Variants in TCF12 observed in about 807,000 individuals in gnomAD.
TCF12 encodes the protein transcription factor 12, also known as DNA-binding protein HTF4.
TCF12 carries 45 observed loss-of-function variants against 86.0 expected under a neutral mutation model. The observed-to-expected ratio is 0.52, with a 90% CI of 0.41 to 0.67. TCF12 has a LOEUF of 0.67. Among genes scored for constraint, TCF12 ranks in the 30% least tolerant of loss-of-function variants. The pLI, the probability that TCF12 is intolerant of heterozygous loss-of-function variation, is 0.00. For synonymous variants in TCF12, 330 were observed against 299.6 expected, an observed-to-expected ratio of 1.10 and a Z score of -1.05; for missense variants, 881 against 859.9, an observed-to-expected ratio of 1.02 and a Z score of -0.31.
chr15:57,231,085 A>T, intron 8 of TCF12, 67 bp from the exon 9 acceptor site: 1 of 1,231,852 alleles, frequency 8.1e-7, no homozygotes, highest in Non-Finnish European at 1.2e-6. Context: ...CAGAATATAG[A>T]ACTCATTTTA....
intron 8 of TCF12, among the ~76,000 whole-genome samples, chr15:57,222,001 G>A (rs923832094): frequency 6.6e-6 from 1 of 151,936 alleles, no homozygotes; most frequent in Non-Finnish European, 1.5e-5. Flanking sequence ...CTTCACTTAA[G>A]TTATAGAAGT....
Position 57,058,876 on chromosome 15 carries a change from A to C in TCF12, c.149-4874A>C, listed in dbSNP as rs116630953. 3.1e-4 allele frequency among the ~76,000 whole-genome samples: 47 copies of C among 152,296 alleles called. 1 individual carries two copies. In the East Asian group the frequency reaches 7.5e-3, roughly 24 times the overall value. ...GTCTAAAATGTGAAAAATACAATAA[A>C]AAATCTTGGTGTTGGTTTTTTAGGT... On this transcript the variant is annotated intron_variant, in intron 3 of 20. Transcript: ENST00000333725.
chr15:56,923,789 G>A (rs1301115337), intron 3 of TCF12, among the ~76,000 whole-genome samples: 1 of 151,930 alleles, frequency 6.6e-6, no homozygotes, highest in Non-Finnish European at 1.5e-5. Context: ...AGTAAGGGAT[G>A]TTGTCATTTT....
intron 3 of TCF12, among the ~76,000 whole-genome samples, chr15:57,038,809 C>G (rs1250546273): frequency 5.3e-5 from 8 of 152,094 alleles, no homozygotes; most frequent in Non-Finnish European, 1.2e-4. Flanking sequence ...GTCCTTGTTC[C>G]AAGTATATTG....
intron 3 of TCF12, among the ~76,000 whole-genome samples, chr15:56,974,789 T>C (rs2062517412): frequency 6.6e-6 from 1 of 151,434 alleles, no homozygotes; most frequent in Non-Finnish European, 1.5e-5. Context: ...TAATTTCGTA[T>C]TTTTTTTTCT....
At chr15:57,031,360 G>T (rs1258536431) in intron 3 of TCF12, among the ~76,000 whole-genome samples, 2 of 132,330 alleles carry the variant, frequency 1.5e-5, no homozygotes, top group East Asian at 2.5e-4. Flanking sequence ...TTGGCTAAAA[G>T]GATTGTTTAG....
intron 3 of TCF12, among the ~76,000 whole-genome samples, chr15:56,930,110 A>G (rs1204627113): frequency 6.6e-6 from 1 of 152,044 alleles, no homozygotes; most frequent in African/African-American, 2.4e-5. Context: ...AATCATGGCT[A>G]CTCCAGTCAG....
intron 13 of TCF12, among the ~76,000 whole-genome samples, chr15:57,246,128 T>A (rs1427592084): frequency 1.3e-5 from 2 of 152,210 alleles, no homozygotes; most frequent in African/African-American, 4.8e-5. Context: ...AAAAAAATTC[T>A]ACCCACTCTG....
At chr15:57,119,746 A>G (rs2051098531) in intron 5 of TCF12, among the ~76,000 whole-genome samples, 1 of 152,128 alleles carries the variant, frequency 6.6e-6, no homozygotes, top group Admixed American at 6.5e-5. Flanking sequence ...GATCCTTGGT[A>G]AATATTCGTC....
intron 3 of TCF12, among the ~76,000 whole-genome samples, chr15:56,926,612 G>A (rs900317825): frequency 4.6e-5 from 7 of 152,234 alleles, no homozygotes; most frequent in Admixed American, 3.3e-4. Context: ...TTGATCCAAG[G>A]GCCTGTACAG....
chr15:57,083,656 C>T (rs2048451736), intron 4 of TCF12, among the ~76,000 whole-genome samples: 1 of 152,138 alleles, frequency 6.6e-6, no homozygotes, highest in South Asian at 2.1e-4. Context: ...GTGATACTGG[C>T]TCACTGCAGC....
intron 3 of TCF12, among the ~76,000 whole-genome samples, chr15:56,982,688 G>A (rs867997322): frequency 7.2e-5 from 11 of 152,156 alleles, no homozygotes; most frequent in South Asian, 4.1e-4. Flanking sequence ...GGAAGAATGC[G>A]TTCTCTGTAG....
intron 5 of TCF12, among the ~76,000 whole-genome samples, chr15:57,143,985 G>A (rs79250477): frequency 0.04 from 6,084 of 152,206 alleles, 371 homozygotes; most frequent in Admixed American, 0.17. Flanking sequence ...CTTTTAGGCA[G>A]ATAAGGATTT....
intron 5 of TCF12, among the ~76,000 whole-genome samples, chr15:57,123,776 C>T (rs62024371): frequency 6.6e-6 from 1 of 151,670 alleles, no homozygotes; most frequent in Non-Finnish European, 1.5e-5. Context: ...ACAGTGAAAC[C>T]CCATCTCTAC....
chr15:57,009,708 C>T (rs909280640), intron 3 of TCF12, among the ~76,000 whole-genome samples: 1 of 152,162 alleles, frequency 6.6e-6, no homozygotes, highest in African/African-American at 2.4e-5. Context: ...ATTAAGTTCA[C>T]GTAGGACATT....
intron 4 of TCF12, among the ~76,000 whole-genome samples, chr15:57,086,159 G>A (rs1251058665): frequency 2.0e-5 from 3 of 149,410 alleles, no homozygotes. Flanking sequence ...AAAAAAATAG[G>A]GTCCCTGTGC....
chr15:57,030,605 G>C, intron 3 of TCF12, among the ~76,000 whole-genome samples: 1 of 151,968 alleles, frequency 6.6e-6, no homozygotes, highest in East Asian at 1.9e-4. Flanking sequence ...TTGGATATGT[G>C]GACATAATTG....
intron 5 of TCF12, among the ~76,000 whole-genome samples, chr15:57,118,712 T>C (rs1309461674): frequency 6.6e-6 from 1 of 152,226 alleles, no homozygotes; most frequent in Non-Finnish European, 1.5e-5. Context: ...CAGATTTTTA[T>C]GTCTAATGTG....
intron 3 of TCF12, among the ~76,000 whole-genome samples, chr15:56,967,849 A>G (rs1401311733): frequency 9.9e-5 from 15 of 152,196 alleles, no homozygotes; most frequent in African/African-American, 3.6e-4. Flanking sequence ...AATTTCCAGA[A>G]AAGTGTGAAT....
Sources: allele counts gnomAD v4.1 joint callset (sites outside exome capture counted in the v4.1 genomes callset), GRCh38; gene constraint gnomAD v4.1.1; transcripts MANE v1.5; gene names NCBI Gene and HGNC (gene_info 2026-07-23, HGNC 2026-07-21).